GABRG3: variants seen among roughly 807,000 people sequenced by gnomAD.
GABRG3 encodes gamma-aminobutyric acid type A receptor subunit gamma3, also known as gamma-aminobutyric acid receptor subunit gamma-3.
A neutral mutation model predicts 48.8 loss-of-function variants in GABRG3; 25 were observed. The observed-to-expected ratio is 0.51, with a 90% CI of 0.37 to 0.72. GABRG3 has a LOEUF of 0.72. Ranked by LOEUF, GABRG3 falls within the 30% of genes least tolerant of loss-of-function variation. The probability of loss-of-function intolerance (pLI) is 0.00; values close to 1 mark genes in which losing one functional copy is unlikely to be tolerated. For synonymous variants in GABRG3, 227 were observed against 217.6 expected, an observed-to-expected ratio of 1.04 and a Z score of -0.38; for missense variants, 394 against 577.9, an observed-to-expected ratio of 0.68 and a Z score of 3.26.
chr15:27,030,353 T>A (rs1373518257), intron 3 of GABRG3, among the ~76,000 whole-genome samples: 2 of 152,348 alleles, frequency 1.3e-5, no homozygotes, highest in Non-Finnish European at 2.9e-5. Context: ...CACTGAAGAT[T>A]CTGCCTCAGC....
At chr15:27,468,149 A>T (rs1221949829) in intron 5 of GABRG3, among the ~76,000 whole-genome samples, 1 of 152,236 alleles carries the variant, frequency 6.6e-6, no homozygotes, top group Non-Finnish European at 1.5e-5. Context: ...GGCTCTTGAC[A>T]CCATCGTGAG....
intron 5 of GABRG3, among the ~76,000 whole-genome samples, chr15:27,350,598 G>A (rs1324814466): frequency 6.6e-6 from 1 of 152,080 alleles, no homozygotes; most frequent in Non-Finnish European, 1.5e-5. Flanking sequence ...CTACGTCCAG[G>A]GAGTCTGGAG....
chr15:27,072,870 T>A (rs1896850978), intron 3 of GABRG3, among the ~76,000 whole-genome samples: 1 of 152,108 alleles, frequency 6.6e-6, no homozygotes, highest in South Asian at 2.1e-4. Context: ...CCCTGTGGAG[T>A]GGAAAATGTG....
chr15:27,514,135 G>A (rs58812015), intron 6 of GABRG3, among the ~76,000 whole-genome samples: 10,912 of 152,164 alleles, frequency 0.072, 765 homozygotes, highest in African/African-American at 0.18. Flanking sequence ...CACAAAGACC[G>A]AAGAAGAGCC....
chr15:27,234,910 G>A (rs1426293399), intron 3 of GABRG3, among the ~76,000 whole-genome samples: 2 of 152,170 alleles, frequency 1.3e-5, no homozygotes, highest in Non-Finnish European at 2.9e-5. Flanking sequence ...GGTACCCAGC[G>A]TGAGGGAAAG....
chr15:27,383,335 A>C (rs1296256769), intron 5 of GABRG3, among the ~76,000 whole-genome samples: 1 of 152,148 alleles, frequency 6.6e-6, no homozygotes, highest in Non-Finnish European at 1.5e-5. Context: ...TGTTGAATCT[A>C]GTTCACCAAA....
intron 3 of GABRG3, among the ~76,000 whole-genome samples, chr15:27,095,920 C>T (rs957393434): frequency 1.3e-5 from 2 of 152,138 alleles, no homozygotes; most frequent in Non-Finnish European, 1.5e-5. Context: ...CCCCAGGACC[C>T]GCCTTCCCTT....
intron 3 of GABRG3, among the ~76,000 whole-genome samples, chr15:27,226,767 C>G (rs184128136): frequency 5.9e-5 from 9 of 152,296 alleles, no homozygotes; most frequent in African/African-American, 2.2e-4. Context: ...GAGATGGGGA[C>G]AGAGGAATGC....
chr15:27,066,480 A>G (rs950968262), intron 3 of GABRG3, among the ~76,000 whole-genome samples: 1 of 152,226 alleles, frequency 6.6e-6, no homozygotes, highest in African/African-American at 2.4e-5. Flanking sequence ...ATGCCAACAC[A>G]TAGTTGATGC....
chr15:27,170,603 T>A (rs74004715), intron 3 of GABRG3, among the ~76,000 whole-genome samples: 21,954 of 151,972 alleles, frequency 0.14, 1,838 homozygotes, highest in Admixed American at 0.25. Context: ...CAGAAACATA[T>A]AAGTAATTAT....
chr15:27,353,663 C>T (rs1052681997), intron 5 of GABRG3, among the ~76,000 whole-genome samples: 55 of 152,078 alleles, frequency 3.6e-4, no homozygotes, highest in African/African-American at 1.1e-3. Context: ...AGGCTGGTCT[C>T]GAACTCCTGA....
Position 27,472,125 on chromosome 15 carries a change from A to G in GABRG3, c.575-8525A>G, listed in dbSNP as rs1487450716. On this transcript the variant is annotated intron_variant, in intron 5 of 9. Transcript: ENST00000615808. ...CATTTTTTTAATCTATGTTTGGCTC[A>G]GTAATAACTTACGAACTTCCTCTCA... is the stretch of plus-strand genomic sequence containing the variant. Among the ~76,000 whole-genome samples, 6 of 152,194 alleles carry G rather than the reference A, an allele frequency of 3.9e-5. No homozygotes were observed. In the East Asian group the frequency reaches 9.6e-4, roughly 24 times the overall value.
intron 3 of GABRG3, among the ~76,000 whole-genome samples, chr15:27,073,859 G>C (rs974192559): frequency 2.6e-5 from 4 of 152,218 alleles, no homozygotes; most frequent in African/African-American, 7.2e-5. Flanking sequence ...CCTCGTGGTG[G>C]TTGTTCACAT....
chr15:27,392,594 A>G (rs1453951387), intron 5 of GABRG3, among the ~76,000 whole-genome samples: 2 of 152,158 alleles, frequency 1.3e-5, no homozygotes, highest in African/African-American at 4.8e-5. Flanking sequence ...TCCCTTCATC[A>G]TGCAGTACTC....
intron 3 of GABRG3, among the ~76,000 whole-genome samples, chr15:27,309,154 C>A (rs1892902559): frequency 7.2e-6 from 1 of 139,218 alleles, no homozygotes; most frequent in Non-Finnish European, 1.5e-5. Context: ...TATAGAAACA[C>A]ATATAATGTA....
intron 5 of GABRG3, among the ~76,000 whole-genome samples, chr15:27,450,933 A>G (rs748142114): frequency 2.0e-5 from 3 of 152,206 alleles, no homozygotes; most frequent in Non-Finnish European, 4.4e-5. Flanking sequence ...TCTGAAAAGG[A>G]TATTAAGAAA....
intron 5 of GABRG3, among the ~76,000 whole-genome samples, chr15:27,432,858 A>T (rs1181302288): frequency 1.3e-5 from 2 of 152,014 alleles, no homozygotes; most frequent in Non-Finnish European, 2.9e-5. Flanking sequence ...TAAATATACA[A>T]CTCATTGTTT....
At chr15:27,131,357 A>G (rs1297992976) in intron 3 of GABRG3, among the ~76,000 whole-genome samples, 1 of 152,022 alleles carries the variant, frequency 6.6e-6, no homozygotes, top group Non-Finnish European at 1.5e-5. Flanking sequence ...TTTTATGTCA[A>G]ACTATCCTTG....
intron 3 of GABRG3, among the ~76,000 whole-genome samples, chr15:27,318,722 G>T (rs977464773): frequency 6.6e-6 from 1 of 152,120 alleles, no homozygotes; most frequent in Non-Finnish European, 1.5e-5. Context: ...TGGATCCCAG[G>T]CGAGTAGTTC....
Sources: gnomAD v4.1 joint callset for allele counts (sites outside exome capture counted in the v4.1 genomes callset) on GRCh38, gnomAD v4.1.1 for gene constraint, MANE v1.5 for transcripts, NCBI Gene and HGNC (gene_info 2026-07-23, HGNC 2026-07-21) for gene names.